PLEKHA7: variants seen among roughly 807,000 people sequenced by gnomAD.
The protein encoded by PLEKHA7 is pleckstrin homology domain-containing family A member 7.
PLEKHA7 carries 104 observed loss-of-function variants against 170.0 expected under a neutral mutation model. The observed-to-expected ratio is 0.61, with a 90% CI of 0.52 to 0.72. The LOEUF is 0.72. Among genes scored for constraint, PLEKHA7 ranks in the 30% least tolerant of loss-of-function variants. The probability of loss-of-function intolerance (pLI) is 0.00; values close to 1 mark genes in which losing one functional copy is unlikely to be tolerated. For synonymous variants in PLEKHA7, 648 were observed against 660.8 expected, an observed-to-expected ratio of 0.98 and a Z score of 0.30; for missense variants, 1,615 against 1,671.7, an observed-to-expected ratio of 0.97 and a Z score of 0.59.
chr11:16,851,378 T>A, intron 7 of PLEKHA7, 87 bp from the exon 8 acceptor site: 2 of 896,048 alleles, frequency 2.2e-6, no homozygotes, highest in Non-Finnish European at 3.4e-6. Context: ...TTCAGCCAAG[T>A]TGTTTCCTCC....
intron 3 of PLEKHA7, among the ~76,000 whole-genome samples, chr11:16,909,575 G>A (rs146475113): frequency 1.3e-5 from 2 of 152,282 alleles, no homozygotes; most frequent in East Asian, 3.9e-4. Context: ...TGTGCTGAGA[G>A]CCTGAGCTCC....
chr11:16,789,348 G>A lies in PLEKHA7; in HGVS notation c.3157-52C>T, dbSNP rs376784908. ...GACACAGAACAGCTGGGCTGGGCAC[G>A]CAGAGGACAGCCACCCTGCTGGCTG... On this transcript the variant is annotated intron_variant, in intron 22 of 26. Coordinates refer to ENST00000531066, the MANE Select transcript of PLEKHA7 (RefSeq NM_001329630.2). The surrounding 1 kb of genome is among the most constrained non-coding windows in gnomAD (Gnocchi z 4.6). 3.3e-5 allele frequency: 50 copies of A among 1,533,168 alleles called. No individual in the cohort carries two copies. The highest frequency in any genetic ancestry group is 4.5e-5 in the South Asian group (4 of 89,324). The allele number at this position is 1,533,168 out of a possible 1,614,324, so 95.0% of individuals were successfully genotyped here.
At chr11:16,934,049 C>T (rs1433891037) in intron 3 of PLEKHA7, among the ~76,000 whole-genome samples, 5 of 152,168 alleles carry the variant, frequency 3.3e-5, no homozygotes, top group African/African-American at 1.2e-4. Context: ...AACAGGAAGC[C>T]CTCTGGTCCT....
chr11:16,921,525 T>C (rs565787236), intron 3 of PLEKHA7, among the ~76,000 whole-genome samples: 6 of 152,364 alleles, frequency 3.9e-5, no homozygotes, highest in African/African-American at 7.2e-5. Context: ...AAAGGCAGCA[T>C]GCAAACATAT....
rs189721983 is a variant in PLEKHA7, at chr11:16,881,028, C to A, written c.222-9846G>T. ...CAGTTGTCCTCCCCAACCTCACTTG[C>A]CAACAAAATACTCTGTAATAACATC... On this transcript the variant is annotated intron_variant, in intron 3 of 26. Coordinates refer to ENST00000531066, the MANE Select transcript of PLEKHA7 (RefSeq NM_001329630.2). Among the ~76,000 whole-genome samples the A allele has an allele frequency of 2.6e-4, 40 of 152,290 alleles. No homozygotes were observed. In the East Asian group the frequency reaches 3.7e-3, roughly 14 times the overall value.
intron 3 of PLEKHA7, among the ~76,000 whole-genome samples, chr11:16,925,123 T>G (rs1219622367): frequency 4.6e-5 from 7 of 152,120 alleles, no homozygotes; most frequent in Non-Finnish European, 8.8e-5. Flanking sequence ...GTCCCCACCC[T>G]CTCCACTGCT....
chr11:16,813,253 C>T lies in PLEKHA7; in HGVS notation c.1954-87G>A, dbSNP rs914885475. The stretch of plus-strand genomic sequence containing the variant: ...GGTTTCACATGTGAATTATTTACAT[C>T]GTGCAGCTTTGGGAACAAGGAACCA... On this transcript the variant is annotated intron_variant, in intron 12 of 26. Transcript: ENST00000531066. 5 of 1,198,450 alleles carry T rather than the reference C, an allele frequency of 4.2e-6. 1 individual carries two copies. The highest frequency in any genetic ancestry group is 2.6e-5 in the South Asian group (2 of 78,156). 74.2% of individuals were successfully genotyped at this position (1,198,450 alleles called of 1,614,324 possible).
chr11:16,855,839 C>T lies in PLEKHA7; in HGVS notation c.381G>A (p.Gly127=), dbSNP rs777647345. The T allele has an allele frequency of 1.2e-5, 19 of 1,613,974 alleles. No homozygotes were observed. In the South Asian group the frequency reaches 2.0e-4, roughly 17 times the overall value. The change falls in exon 5 of 27, where the codon GGG becomes GGA. Residue 127 remains glycine (G), a synonymous_variant. Transcript: ENST00000531066. Reference sequence around the variant, plus strand: ...GCTTGGCCTCCAGGGTGGAGGCGGTCCCAGCCGTGGATGTTTCACTGACCA... The same window carrying T: ...GCTTGGCCTCCAGGGTGGAGGCGGTTCCAGCCGTGGATGTTTCACTGACCA... ...SSMVSETSTA[G]TASTLEAKPG...
intron 4 of PLEKHA7, among the ~76,000 whole-genome samples, chr11:16,862,643 A>C (rs749675206): frequency 6.6e-6 from 1 of 152,230 alleles, no homozygotes; most frequent in Non-Finnish European, 1.5e-5. Context: ...ACAGAGCCAA[A>C]GACATGGTTG....
intron 3 of PLEKHA7, among the ~76,000 whole-genome samples, chr11:16,914,665 G>C (rs529579770): frequency 6.6e-6 from 1 of 152,136 alleles, no homozygotes; most frequent in Non-Finnish European, 1.5e-5. Flanking sequence ...GATTAACCCC[G>C]GGAAATACTA....
chr11:16,858,711 C>T (rs1853684001), intron 4 of PLEKHA7, among the ~76,000 whole-genome samples: 1 of 152,046 alleles, frequency 6.6e-6, no homozygotes, highest in Admixed American at 6.6e-5. Context: ...AGGCTGGTCT[C>T]GAACTCCTGA....
intron 3 of PLEKHA7, among the ~76,000 whole-genome samples, chr11:16,899,486 G>A (rs557511037): frequency 6.6e-6 from 1 of 152,106 alleles, no homozygotes; most frequent in Non-Finnish European, 1.5e-5. Flanking sequence ...CAAAAAGAGC[G>A]AAACTCCATC....
At chr11:16,968,868 C>T (rs993914972) in intron 3 of PLEKHA7, among the ~76,000 whole-genome samples, 4 of 152,186 alleles carry the variant, frequency 2.6e-5, no homozygotes, top group African/African-American at 9.7e-5. Context: ...CCTCCAGAAA[C>T]GGATCTACTA....
chr11:16,913,981 A>G (rs1269194771), intron 3 of PLEKHA7, among the ~76,000 whole-genome samples: 1 of 152,250 alleles, frequency 6.6e-6, no homozygotes, highest in African/African-American at 2.4e-5. Context: ...ATTTTAGGAG[A>G]AAAGTAGAAG....
intron 3 of PLEKHA7, among the ~76,000 whole-genome samples, chr11:16,952,102 C>T (rs11599986): frequency 0.47 from 71,229 of 151,608 alleles, 17,685 homozygotes; most frequent in East Asian, 0.74. Flanking sequence ...ATCAGTTCCC[C>T]TCTTCCTCCT....
intron 3 of PLEKHA7, among the ~76,000 whole-genome samples, chr11:16,895,410 GC>G (rs1856936716): frequency 6.6e-6 from 1 of 152,180 alleles, no homozygotes; most frequent in Admixed American, 6.5e-5. Flanking sequence ...CCTCTTCAGA[GC>G]ACTTCCTCCT....
At chr11:16,835,748 C>T (rs1423642572) in intron 9 of PLEKHA7, among the ~76,000 whole-genome samples, 2 of 152,184 alleles carry the variant, frequency 1.3e-5, no homozygotes, top group East Asian at 3.8e-4. Context: ...GATTTGAACC[C>T]AGGTCTATCC....
chr11:16,786,494 C>G, intron 23 of PLEKHA7, 107 bp from the exon 24 acceptor site: 1 of 1,498,792 alleles, frequency 6.7e-7, no homozygotes, highest in South Asian at 1.3e-5. Context: ...CTGTGATCCC[C>G]TTAGGGAAAA....
chr11:16,930,415 C>T (rs563547105), intron 3 of PLEKHA7, among the ~76,000 whole-genome samples: 1 of 152,238 alleles, frequency 6.6e-6, no homozygotes, highest in East Asian at 1.9e-4. Context: ...CACTTCACTC[C>T]AGCCTGAGCA....
Sources: allele counts gnomAD v4.1 joint callset (sites outside exome capture counted in the v4.1 genomes callset), GRCh38; gene constraint gnomAD v4.1.1; non-coding constraint Gnocchi (gnomAD v3.1); transcripts MANE v1.5; gene names NCBI Gene and HGNC (gene_info 2026-07-23, HGNC 2026-07-21).